The following GPR158 variants were observed in gnomAD, a reference collection of about 807,000 sequenced individuals.
GPR158 encodes metabotropic glycine receptor.
In GPR158, 30 loss-of-function variants were observed where a neutral mutation model predicts 78.2. The observed-to-expected ratio is 0.38, with a 90% CI of 0.29 to 0.52. The LOEUF is 0.52. Among genes scored for constraint, GPR158 ranks in the 20% least tolerant of loss-of-function variants. The pLI is 0.83. For synonymous variants in GPR158, 581 were observed against 591.1 expected (o/e 0.98, Z 0.25); for missense variants, 1,463 against 1,523.5 (o/e 0.96, Z 0.66).
chr10:25,315,522 A>G (rs1004709682), intron 2 of GPR158, among the ~76,000 whole-genome samples: 10 of 152,102 alleles, frequency 6.6e-5, no homozygotes, highest in Non-Finnish European at 1.5e-4. Flanking sequence ...GTTGAGTCTT[A>G]TTCTTGAACT....
intron 6 of GPR158, among the ~76,000 whole-genome samples, chr10:25,569,934 T>C (rs1420333633): frequency 1.3e-5 from 2 of 152,196 alleles, no homozygotes; most frequent in Admixed American, 1.3e-4. Flanking sequence ...TATATAAATG[T>C]TTGTTCGTTA....
At chr10:25,568,859 T>C (rs1466694792) in intron 6 of GPR158, among the ~76,000 whole-genome samples, 4 of 152,212 alleles carry the variant, frequency 2.6e-5, no homozygotes, top group Non-Finnish European at 5.9e-5. Flanking sequence ...CATTCTGAAC[T>C]CATGGTCTCC....
At chr10:25,185,427 A>G (rs1852669306) in intron 1 of GPR158, among the ~76,000 whole-genome samples, 1 of 152,208 alleles carries the variant, frequency 6.6e-6, no homozygotes, top group Non-Finnish European at 1.5e-5. Flanking sequence ...CTCAAAAAGA[A>G]CATCTGACTA....
At chr10:25,532,206 G>T (rs750123169) in intron 5 of GPR158, among the ~76,000 whole-genome samples, 3 of 152,198 alleles carry the variant, frequency 2.0e-5, no homozygotes, top group Non-Finnish European at 4.4e-5. Context: ...TAAAGAGAAA[G>T]AGGTGGGTTT....
chr10:25,419,152 C>T (rs1834711566), intron 4 of GPR158, among the ~76,000 whole-genome samples: 1 of 152,024 alleles, frequency 6.6e-6, no homozygotes, highest in South Asian at 2.1e-4. Context: ...TATACAATAA[C>T]ATCCCATTTT....
At chr10:25,555,550 GA>G (rs1226978281) in intron 6 of GPR158, among the ~76,000 whole-genome samples, 1 of 152,142 alleles carries the variant, frequency 6.6e-6, no homozygotes, top group Non-Finnish European at 1.5e-5. Context: ...TTCTTTTACA[GA>G]AACTTGAGAA....
chr10:25,253,828 C>T (rs905391023), intron 2 of GPR158, among the ~76,000 whole-genome samples: 3 of 152,050 alleles, frequency 2.0e-5, no homozygotes, highest in Non-Finnish European at 4.4e-5. Context: ...TAAAATTTGC[C>T]TTGGGACAAA....
At position 25,589,157 on chromosome 10, in the gene GPR158, G is replaced by A. The variant is rs768641672; in HGVS notation, c.1892+12G>A. On this transcript the variant is annotated intron_variant, in intron 8 of 10. Transcript: ENST00000376351. ...TTCCATACAATTAGGCAAGTGATCT[G>A]TAGAGCTAGTAAATAACTATTTTAT... The A allele has an allele frequency of 6.4e-7, 1 of 1,563,758 alleles. No individual in the cohort carries two copies. The highest frequency in any genetic ancestry group is 1.2e-5 in the South Asian group (1 of 86,566).
chr10:25,377,612 A>G (rs558868628), intron 2 of GPR158, among the ~76,000 whole-genome samples: 4 of 152,056 alleles, frequency 2.6e-5, no homozygotes, highest in Non-Finnish European at 5.9e-5. Flanking sequence ...GACATTTTAT[A>G]TAAGTGAAAT....
At chr10:25,421,240 A>G (rs1050047218) in intron 4 of GPR158, among the ~76,000 whole-genome samples, 3 of 152,138 alleles carry the variant, frequency 2.0e-5, no homozygotes, top group African/African-American at 7.2e-5. Context: ...TATGATTTGT[A>G]TTGTCCTTTA....
At chr10:25,428,032 A>G (rs1018388389) in intron 4 of GPR158, among the ~76,000 whole-genome samples, 1 of 152,042 alleles carries the variant, frequency 6.6e-6, no homozygotes, top group African/African-American at 2.4e-5. Flanking sequence ...TAAAAGATGA[A>G]TGAGTTGGAA....
At chr10:25,413,419 G>A (rs1256836002) in intron 4 of GPR158, among the ~76,000 whole-genome samples, 1 of 152,156 alleles carries the variant, frequency 6.6e-6, no homozygotes, top group African/African-American at 2.4e-5. Context: ...CAAAGCTTTT[G>A]GGGGAGCTTT....
chr10:25,559,693 T>G (rs1014506628), intron 6 of GPR158, among the ~76,000 whole-genome samples: 5 of 152,252 alleles, frequency 3.3e-5, no homozygotes, highest in Non-Finnish European at 7.3e-5. Flanking sequence ...AAATATTTTA[T>G]GTACAGAAAA....
chr10:25,193,317 A>G (rs1384451957), intron 1 of GPR158, among the ~76,000 whole-genome samples: 1 of 152,196 alleles, frequency 6.6e-6, no homozygotes, highest in Non-Finnish European at 1.5e-5. Flanking sequence ...GAATGCATTC[A>G]ATAGGATGGT....
chr10:25,319,829 C>T (rs550354811), intron 2 of GPR158, among the ~76,000 whole-genome samples: 1 of 144,608 alleles, frequency 6.9e-6, no homozygotes, highest in Non-Finnish European at 1.5e-5. Context: ...CCCACCCCCC[C>T]CAAAAAAAAA....
At chr10:25,254,813 T>C (rs1180855918) in intron 2 of GPR158, among the ~76,000 whole-genome samples, 1 of 152,204 alleles carries the variant, frequency 6.6e-6, no homozygotes, top group Non-Finnish European at 1.5e-5. Flanking sequence ...TCTAAAACTT[T>C]TAGCAAATTA....
intron 6 of GPR158, among the ~76,000 whole-genome samples, chr10:25,556,196 G>A (rs540624174): frequency 1.2e-4 from 19 of 152,140 alleles, no homozygotes; most frequent in East Asian, 3.9e-4. Flanking sequence ...CTTAGCCCTC[G>A]TTTATGAAGG....
chr10:25,485,092 ATATAATTAAGAAAATAGC>A (rs1008718870), intron 5 of GPR158, among the ~76,000 whole-genome samples: 4 of 152,094 alleles, frequency 2.6e-5, no homozygotes, highest in Non-Finnish European at 4.4e-5. Flanking sequence ...GATGTTTGAA[ATATAATTAAGAAAATAGC>A]TATAGACAGA....
At chr10:25,273,440 A>G (rs1245496597) in intron 2 of GPR158, among the ~76,000 whole-genome samples, 3 of 149,734 alleles carry the variant, frequency 2.0e-5, no homozygotes, top group Non-Finnish European at 4.4e-5. Flanking sequence ...CATGAAGTAA[A>G]GATTTTTGGT....
Sources: gnomAD v4.1 joint callset for allele counts (sites outside exome capture counted in the v4.1 genomes callset) on GRCh38, gnomAD v4.1.1 for gene constraint, MANE v1.5 for transcripts, NCBI Gene and HGNC (gene_info 2026-07-23, HGNC 2026-07-21) for gene names.